ACOXL: variants seen among roughly 807,000 people sequenced by gnomAD.
ACOXL encodes acyl-CoA oxidase like.
Under a neutral mutation model 71.9 loss-of-function variants are expected in ACOXL, and 70 were observed. That is an observed-to-expected ratio of 0.97 (90% CI 0.80 to 1.19). The LOEUF (loss-of-function observed/expected upper bound fraction) is 1.19. ACOXL is among the 50% of genes most tolerant of loss of function. The pLI, the probability that ACOXL is intolerant of heterozygous loss-of-function variation, is 0.00. For missense variants in ACOXL, 703 were observed against 736.3 expected (o/e 0.95, Z 0.52); for synonymous variants, 253 against 281.6 (o/e 0.90, Z 1.02).
At chr2:110,809,144 C>G (rs543530123) in intron 9 of ACOXL, among the ~76,000 whole-genome samples, 2 of 152,388 alleles carry the variant, frequency 1.3e-5, no homozygotes, top group Non-Finnish European at 2.9e-5. Context: ...TGATCTAACT[C>G]CACGTGGCCC....
In ACOXL at chr2:110,741,225, C is replaced by T. The variant is rs1220663092; in HGVS notation, c.-23+8451C>T. Among the ~76,000 whole-genome samples the T allele has an allele frequency of 5.3e-5, 8 of 152,176 alleles. No individual in the cohort carries two copies. The East Asian group carries it at 5.8e-4, about 11-fold the overall frequency. ...AATAGGGCTGCCGTAATAATGTACC[C>T]GGGCTAGGTGGCTTAAATAACAGAA... is the stretch of plus-strand genomic sequence containing the variant. On this transcript the variant is annotated intron_variant, in intron 1 of 17. Transcript: ENST00000439055.
intron 10 of ACOXL, among the ~76,000 whole-genome samples, chr2:110,864,693 A>G (rs751916653): frequency 1.2e-4 from 18 of 152,240 alleles, no homozygotes; most frequent in Non-Finnish European, 4.4e-5. Flanking sequence ...TATGCCTCCA[A>G]GATTCAGCCT....
chr2:110,968,166 T>C, intron 12 of ACOXL: 1 of 1,215,656 alleles, frequency 8.2e-7, no homozygotes, highest in East Asian at 2.3e-5. Context: ...GGCTTCTCAA[T>C]AGGTTTGGCA....
intron 11 of ACOXL, among the ~76,000 whole-genome samples, chr2:110,928,467 G>A (rs2060359589): frequency 1.3e-5 from 2 of 152,146 alleles, no homozygotes; most frequent in South Asian, 4.1e-4. Flanking sequence ...ATGAAGTTAA[G>A]GATAGTTAAG....
At chr2:111,020,793 G>A (rs1169338713) in intron 14 of ACOXL, among the ~76,000 whole-genome samples, 4 of 152,132 alleles carry the variant, frequency 2.6e-5, no homozygotes, top group African/African-American at 4.8e-5. Flanking sequence ...CAGACAGATC[G>A]TATTCTTTGG....
At chr2:110,825,099 T>C (rs1689018912) in intron 9 of ACOXL, among the ~76,000 whole-genome samples, 1 of 152,256 alleles carries the variant, frequency 6.6e-6, no homozygotes, top group South Asian at 2.1e-4. Flanking sequence ...GCTAATTTAG[T>C]GGTCAGCCTG....
At chr2:111,054,667 C>G (rs1364664246) in intron 16 of ACOXL, among the ~76,000 whole-genome samples, 1 of 152,156 alleles carries the variant, frequency 6.6e-6, no homozygotes, top group Non-Finnish European at 1.5e-5. Context: ...CCTCCACGTC[C>G]CCTGCCACCA....
chr2:111,080,028 C>A (rs1396887794), intron 16 of ACOXL, among the ~76,000 whole-genome samples: 1 of 152,162 alleles, frequency 6.6e-6, no homozygotes, highest in Admixed American at 6.5e-5. Context: ...TTATAGTATT[C>A]TGTGATGGTA....
rs542612922 is a variant in ACOXL at position 110,867,196 on chromosome 2, G to A, written c.788+25791G>A. Among the ~76,000 whole-genome samples, 7 of 152,270 alleles carry A rather than the reference G, an allele frequency of 4.6e-5. No homozygotes were observed. In the South Asian group the frequency reaches 1.2e-3, roughly 27 times the overall value. On this transcript the variant is annotated intron_variant, in intron 10 of 17. Transcript: ENST00000439055. ...CCGGGGGATGAGGGAGGCAAGGAAGGGAGTGGACAGGAGTGAAGCTTGGAA... is the reference window on the plus strand; with the variant it reads ...CCGGGGGATGAGGGAGGCAAGGAAGAGAGTGGACAGGAGTGAAGCTTGGAA...
At chr2:111,094,053 T>A (rs966112711) in intron 17 of ACOXL, 1 of 152,312 alleles carries the variant, frequency 6.6e-6, no homozygotes, top group African/African-American at 2.4e-5. Flanking sequence ...GGTGGCCCAA[T>A]TGAGAGGGGA....
chr2:110,966,253 G>A (rs1905358), intron 12 of ACOXL, among the ~76,000 whole-genome samples: 53,061 of 151,948 alleles, frequency 0.35, 10,393 homozygotes, highest in Middle Eastern at 0.51. Context: ...GCCCGGTGGC[G>A]AATCCACCCC....
chr2:110,743,465 A>G (rs972072755), intron 1 of ACOXL, among the ~76,000 whole-genome samples: 8 of 152,064 alleles, frequency 5.3e-5, no homozygotes, highest in Admixed American at 2.0e-4. Flanking sequence ...GTTCTGATTT[A>G]TTTTCCAAAA....
chr2:111,057,534 G>T (rs1386252678), intron 16 of ACOXL, among the ~76,000 whole-genome samples: 3 of 152,186 alleles, frequency 2.0e-5, no homozygotes, highest in Non-Finnish European at 4.4e-5. Context: ...GAATTATTCT[G>T]AAAGCATGGT....
At chr2:110,942,538 C>A (rs1337680690) in intron 12 of ACOXL, among the ~76,000 whole-genome samples, 1 of 152,072 alleles carries the variant, frequency 6.6e-6, no homozygotes, top group Non-Finnish European at 1.5e-5. Flanking sequence ...CGGTTAGGCA[C>A]CAAATCATAA....
At chr2:111,008,706 C>G (rs1245943613) in intron 14 of ACOXL, among the ~76,000 whole-genome samples, 1 of 152,146 alleles carries the variant, frequency 6.6e-6, no homozygotes, top group Non-Finnish European at 1.5e-5. Context: ...AAATTCTCCT[C>G]CAGAGGATTT....
chr2:110,896,905 G>A (rs1447106287), intron 10 of ACOXL, among the ~76,000 whole-genome samples: 5 of 151,774 alleles, frequency 3.3e-5, no homozygotes, highest in African/African-American at 7.3e-5. Context: ...AGAACACTTC[G>A]TCCACCAAAA....
At chr2:110,998,518 G>A (rs758251213) in intron 14 of ACOXL, among the ~76,000 whole-genome samples, 1 of 152,210 alleles carries the variant, frequency 6.6e-6, no homozygotes, top group Non-Finnish European at 1.5e-5. Flanking sequence ...TTGCGCCTTG[G>A]TTTGAGAATT....
chr2:111,038,673 A>G (rs561585735), intron 15 of ACOXL, among the ~76,000 whole-genome samples: 1 of 152,378 alleles, frequency 6.6e-6, no homozygotes, highest in African/African-American at 2.4e-5. Context: ...AACGGTGAAT[A>G]AAAATAAAAG....
rs78059337 is a variant in ACOXL, at chr2:111,069,575, C to A, written c.1440+20287C>A. Among the ~76,000 whole-genome samples the A allele has an allele frequency of 3.7e-3, 559 of 152,224 alleles. 10 individuals are homozygous for A. In the East Asian group the frequency reaches 0.047, roughly 13 times the overall value. On this transcript the variant is annotated intron_variant, in intron 16 of 17. Coordinates refer to ENST00000439055, the MANE Select transcript of ACOXL (RefSeq NM_001142807.4). ...CACCACTGGGGGTTGGGACTTAAACCTAACAATTTGGGAGGGACACAATTC... is the reference window on the plus strand; with the variant it reads ...CACCACTGGGGGTTGGGACTTAAACATAACAATTTGGGAGGGACACAATTC...
Sources: allele counts gnomAD v4.1 joint callset (sites outside exome capture counted in the v4.1 genomes callset), GRCh38; gene constraint gnomAD v4.1.1; transcripts MANE v1.5; gene names NCBI Gene and HGNC (gene_info 2026-07-23, HGNC 2026-07-21).